Variants in CELF2 observed in about 807,000 individuals in gnomAD.
CELF2 encodes the protein CUGBP Elav-like family member 2.
A neutral mutation model predicts 62.6 loss-of-function variants in CELF2; 8 were observed. The observed-to-expected ratio is 0.13, with a 90% CI of 0.07 to 0.23. The LOEUF is 0.23. Ranked by LOEUF, CELF2 falls within the 10% of genes least tolerant of loss-of-function variation. The pLI, the probability that CELF2 is intolerant of heterozygous loss-of-function variation, is 1.00. For missense variants in CELF2, 333 were observed against 671.0 expected (o/e 0.50, Z 5.56); for synonymous variants, 258 against 250.0 (o/e 1.03, Z -0.30).
chr10:10,884,912 A>G (rs2061660019), intron 1 of CELF2, among the ~76,000 whole-genome samples: 1 of 152,230 alleles, frequency 6.6e-6, no homozygotes, highest in Admixed American at 6.5e-5. Context: ...GCATTTATCT[A>G]GCACATGCTA....
At chr10:10,637,855 G>A in the CELF2 span, among the ~76,000 whole-genome samples, 3 of 152,152 alleles carry the variant, frequency 2.0e-5, no homozygotes, top group African/African-American at 4.8e-5. Context: ...CATCTGAATA[G>A]GGGTTAAGTA....
chr10:11,204,868 A>G (rs563785515), intron 2 of CELF2, among the ~76,000 whole-genome samples: 4 of 151,978 alleles, frequency 2.6e-5, no homozygotes, highest in Admixed American at 6.6e-5. Flanking sequence ...TTCTTCCTCT[A>G]TTGTTGCTGA....
chr10:10,484,524 C>G, the CELF2 span, among the ~76,000 whole-genome samples: 3 of 150,824 alleles, frequency 2.0e-5, 1 homozygote, highest in South Asian at 6.4e-4. Flanking sequence ...ACCATGTTGG[C>G]CAGGCTGGTC....
At chr10:11,277,734 A>T (rs142477529) in intron 8 of CELF2, among the ~76,000 whole-genome samples, 1 of 152,264 alleles carries the variant, frequency 6.6e-6, no homozygotes, top group Middle Eastern at 3.2e-3. Flanking sequence ...AACATAAAAC[A>T]TAACAAATAC....
rs1047447102 is a variant in CELF2, at chr10:10,972,801, A to G, written c.89+52802A>G. Among the ~76,000 whole-genome samples, 23 of 152,158 alleles carry G rather than the reference A, an allele frequency of 1.5e-4. No individual in the cohort carries two copies. The highest frequency in any genetic ancestry group is 5.5e-4 in the African/African-American group (23 of 41,446). ...TCCTATTCTGAAATACACAATATCC[A>G]TGAGTGGCCCTCAGAGAGCTACCTT... On this transcript the variant is annotated intron_variant, in intron 2 of 13. Transcript: ENST00000636488. This position sits in a 1 kb window ranked among gnomAD's most constrained non-coding sequence, Gnocchi z 4.4.
At position 11,207,488 on chromosome 10, in the gene CELF2, G is replaced by A. The variant is rs187781306; in HGVS notation, c.272-9937G>A. On this transcript the variant is annotated intron_variant, in intron 2 of 12. Coordinates refer to ENST00000633077, the MANE Select transcript of CELF2 (RefSeq NM_001326342.2). The surrounding 1 kb of genome is among the most constrained non-coding windows in gnomAD (Gnocchi z 4.1). ...CCCAGTGAGATCATTGTTCCCTCCC[G>A]GGCTGAAAAGGTGGCTCAGATTTGC... Among the ~76,000 whole-genome samples the A allele has an allele frequency of 2.2e-4, 34 of 152,326 alleles. No individual in the cohort carries two copies. The East Asian group carries it at 5.2e-3, about 23-fold the overall frequency.
At chr10:10,882,346 A>G (rs2061492072) in intron 1 of CELF2, among the ~76,000 whole-genome samples, 1 of 152,216 alleles carries the variant, frequency 6.6e-6, no homozygotes, top group African/African-American at 2.4e-5. Flanking sequence ...ATTGCCATCC[A>G]AGAGCAGAAC....
chr10:11,149,900 C>G (rs758964064), intron 1 of CELF2, among the ~76,000 whole-genome samples: 1 of 152,166 alleles, frequency 6.6e-6, no homozygotes, highest in African/African-American at 2.4e-5. Flanking sequence ...TCCAAAAACC[C>G]TAATGTCTTT....
In CELF2 at chr10:11,012,402, G is replaced by GA. The variant is rs549789479; in HGVS notation, c.53+6967dup. Reference sequence around the variant, plus strand: ...TCTTTTTTCAAGATGTATTTGTTCAGAAAAAGGACAGACATTCAGGCACAT... The same window carrying GA: ...TCTTTTTTCAAGATGTATTTGTTCAGAAAAAAGGACAGACATTCAGGCACAT... On this transcript the variant is annotated intron_variant, in intron 1 of 12. Transcript: ENST00000416382. This position sits in a 1 kb window ranked among gnomAD's most constrained non-coding sequence, Gnocchi z 5.5. 8.4e-4 allele frequency among the ~76,000 whole-genome samples: 128 copies of GA among 152,254 alleles called. No homozygotes were observed. The highest frequency in any genetic ancestry group is 1.3e-3 in the Non-Finnish European group (87 of 68,028).
chr10:10,836,651 A>T (rs984434580), intron 1 of CELF2, among the ~76,000 whole-genome samples: 15 of 151,896 alleles, frequency 9.9e-5, no homozygotes, highest in South Asian at 6.3e-4. Context: ...ATTTTATTTT[A>T]TTTTTTTTGA....
chr10:10,875,715 T>A (rs1225999084), intron 1 of CELF2, among the ~76,000 whole-genome samples: 1 of 152,082 alleles, frequency 6.6e-6, no homozygotes, highest in Non-Finnish European at 1.5e-5. Context: ...TTTTTTTTTC[T>A]CTAAAAGCTT....
intron 9 of CELF2, among the ~76,000 whole-genome samples, chr10:11,298,435 G>C (rs1219597415): frequency 2.0e-5 from 3 of 152,154 alleles, no homozygotes; most frequent in Non-Finnish European, 4.4e-5. Flanking sequence ...AGGACAGAAG[G>C]GTACTTATAT....
chr10:10,834,851 G>A (rs1221896021), intron 1 of CELF2, among the ~76,000 whole-genome samples: 5 of 152,192 alleles, frequency 3.3e-5, no homozygotes, highest in Admixed American at 3.3e-4. Flanking sequence ...CCTTCATGGT[G>A]CTTGTCCGAT....
the CELF2 span, among the ~76,000 whole-genome samples, chr10:10,609,700 A>G: frequency 2.6e-4 from 39 of 152,180 alleles, no homozygotes; most frequent in African/African-American, 9.2e-4. Flanking sequence ...TAAGGAACAG[A>G]TGGGATGTAG....
At chr10:10,571,464 A>T in the CELF2 span, among the ~76,000 whole-genome samples, 10 of 152,172 alleles carry the variant, frequency 6.6e-5, no homozygotes, top group South Asian at 2.1e-3. Context: ...ATAGTTATTA[A>T]GCTGCTGAAG....
At chr10:10,586,313 A>G in the CELF2 span, among the ~76,000 whole-genome samples, 2 of 152,166 alleles carry the variant, frequency 1.3e-5, no homozygotes, top group African/African-American at 4.8e-5. Context: ...TGGAATAACA[A>G]AAAGGCCATG....
At chr10:10,607,042 A>C in the CELF2 span, among the ~76,000 whole-genome samples, 3 of 152,214 alleles carry the variant, frequency 2.0e-5, no homozygotes, top group East Asian at 5.8e-4. Flanking sequence ...ACCTTTAAAC[A>C]TCATCGTGGT....
chr10:10,949,608 A>G (rs1383580019), intron 2 of CELF2, among the ~76,000 whole-genome samples: 1 of 151,786 alleles, frequency 6.6e-6, no homozygotes, highest in Non-Finnish European at 1.5e-5. Flanking sequence ...CCTGGCCAAT[A>G]CAACAAAACC....
the CELF2 span, among the ~76,000 whole-genome samples, chr10:10,791,170 A>C: frequency 4.6e-5 from 7 of 152,202 alleles, no homozygotes; most frequent in African/African-American, 1.7e-4. Flanking sequence ...TGATCTAAAA[A>C]AATGTTGATG....
Sources: gnomAD v4.1 joint callset for allele counts (sites outside exome capture counted in the v4.1 genomes callset) on GRCh38, gnomAD v4.1.1 for gene constraint, Gnocchi (gnomAD v3.1) non-coding constraint, MANE v1.5 for transcripts, NCBI Gene and HGNC (gene_info 2026-07-23, HGNC 2026-07-21) for gene names.